DRC11: variants seen among roughly 807,000 people sequenced by gnomAD.
The protein encoded by DRC11 is dynein regulatory complex subunit 11, also known as IQ and AAA domain-containing protein 1.
the DRC11 span, among the ~76,000 whole-genome samples, chr2:236,312,456 C>T: frequency 6.6e-6 from 1 of 152,058 alleles, no homozygotes; most frequent in Non-Finnish European, 1.5e-5. Context: ...TGATATATGC[C>T]CCCCTAATTC....
At chr2:236,491,190 ATATATATATATATATATATATACACACAG>A in the DRC11 span, among the ~76,000 whole-genome samples, 198 of 33,760 alleles carry the variant, frequency 5.9e-3, 3 homozygotes, top group African/African-American at 0.022. Context: ...TACACACAGT[ATATATATATATATATATATATACACACAG>A]TATATATATA....
chr2:236,469,360 C>T, the DRC11 span, among the ~76,000 whole-genome samples: 1 of 152,188 alleles, frequency 6.6e-6, no homozygotes, highest in African/African-American at 2.4e-5. This position sits in a 1 kb window ranked among gnomAD's most constrained non-coding sequence, Gnocchi z 5.8. Context: ...AGTGCACCAC[C>T]ATGCCCAGCT....
At chr2:236,382,684 T>A in the DRC11 span, among the ~76,000 whole-genome samples, 1 of 152,174 alleles carries the variant, frequency 6.6e-6, no homozygotes, top group Non-Finnish European at 1.5e-5. Flanking sequence ...CATATGTATT[T>A]CATTTTTTGA....
the DRC11 span, among the ~76,000 whole-genome samples, chr2:236,317,152 C>T: frequency 6.6e-5 from 10 of 152,014 alleles, no homozygotes; most frequent in Admixed American, 4.6e-4. This position sits in a 1 kb window ranked among gnomAD's most constrained non-coding sequence, Gnocchi z 5.4. Context: ...AAAAATTAGC[C>T]GGGCATGGTG....
At chr2:236,490,952 A>G in the DRC11 span, among the ~76,000 whole-genome samples, 6 of 145,488 alleles carry the variant, frequency 4.1e-5, no homozygotes, top group African/African-American at 1.3e-4. This position sits in a 1 kb window ranked among gnomAD's most constrained non-coding sequence, Gnocchi z 5.5. Flanking sequence ...GTGTATATAT[A>G]TGTGTGTATA....
the DRC11 span, among the ~76,000 whole-genome samples, chr2:236,453,049 T>C: frequency 6.6e-6 from 1 of 152,334 alleles, no homozygotes; most frequent in South Asian, 2.1e-4. This position sits in a 1 kb window ranked among gnomAD's most constrained non-coding sequence, Gnocchi z 4.9. Flanking sequence ...TTAAAGGCAC[T>C]GTCATCCCTT....
At chr2:236,398,194 C>A in the DRC11 span, among the ~76,000 whole-genome samples, 1 of 152,184 alleles carries the variant, frequency 6.6e-6, no homozygotes, top group Non-Finnish European at 1.5e-5. The surrounding 1 kb of genome is among the most constrained non-coding windows in gnomAD (Gnocchi z 6.2). Flanking sequence ...GACCTCCTTT[C>A]TTCCCAGTGA....
chr2:236,317,724 G>C, the DRC11 span, among the ~76,000 whole-genome samples: 1 of 152,188 alleles, frequency 6.6e-6, no homozygotes, highest in Non-Finnish European at 1.5e-5. This position sits in a 1 kb window ranked among gnomAD's most constrained non-coding sequence, Gnocchi z 5.4. Context: ...TGACTAGAAA[G>C]ATTTATTTCA....
At chr2:236,358,638 T>C in the DRC11 span, among the ~76,000 whole-genome samples, 21,902 of 124,600 alleles carry the variant, frequency 0.18, 2,786 homozygotes, top group African/African-American at 0.3. Flanking sequence ...TTCTGATCTC[T>C]GCCCTGGAGT....
At chr2:236,354,857 G>A in the DRC11 span, among the ~76,000 whole-genome samples, 1 of 152,142 alleles carries the variant, frequency 6.6e-6, no homozygotes, top group East Asian at 1.9e-4. Flanking sequence ...AGGTGGAGTG[G>A]GACATGTATC....
chr2:236,347,488 G>T, the DRC11 span, among the ~76,000 whole-genome samples: 1 of 119,628 alleles, frequency 8.4e-6, no homozygotes, highest in Non-Finnish European at 1.9e-5. Flanking sequence ...GCCCATCAAC[G>T]AGTGGATAAA....
At chr2:236,385,096 A>G in the DRC11 span, among the ~76,000 whole-genome samples, 1 of 151,918 alleles carries the variant, frequency 6.6e-6, no homozygotes, top group African/African-American at 2.4e-5. Flanking sequence ...AGGTAGTGTG[A>G]TGCCTCCAGC....
the DRC11 span, among the ~76,000 whole-genome samples, chr2:236,435,065 T>C: frequency 2.0e-5 from 3 of 152,124 alleles, no homozygotes; most frequent in African/African-American, 7.2e-5. Context: ...TGGTTTCTGA[T>C]GGAGAAGTGA....
the DRC11 span, among the ~76,000 whole-genome samples, chr2:236,335,174 G>C: frequency 1.6e-4 from 24 of 152,192 alleles, no homozygotes; most frequent in African/African-American, 5.5e-4. This position sits in a 1 kb window ranked among gnomAD's most constrained non-coding sequence, Gnocchi z 5.6. Flanking sequence ...TGCGGGTGGA[G>C]AGACAACTAA....
the DRC11 span, among the ~76,000 whole-genome samples, chr2:236,344,342 CCACACTTTCTTT>C: frequency 6.6e-6 from 1 of 152,342 alleles, no homozygotes; most frequent in South Asian, 2.1e-4. Flanking sequence ...CCCCTTTCTT[CCACACTTTCTTT>C]CCTTCTAAAC....
the DRC11 span, among the ~76,000 whole-genome samples, chr2:236,441,684 G>A: frequency 2.0e-5 from 3 of 152,246 alleles, no homozygotes; most frequent in Non-Finnish European, 4.4e-5. Context: ...GGGGTAGACA[G>A]ATAGTATTCT....
chr2:236,392,062 A>G, the DRC11 span: 580 of 1,613,642 alleles, frequency 3.6e-4, no homozygotes, highest in Non-Finnish European at 4.8e-4. This position sits in a 1 kb window ranked among gnomAD's most constrained non-coding sequence, Gnocchi z 5.1. Flanking sequence ...TGTCTCATCA[A>G]CTCATCAACC....
At chr2:236,363,090 G>T in the DRC11 span, among the ~76,000 whole-genome samples, 1 of 152,220 alleles carries the variant, frequency 6.6e-6, no homozygotes, top group African/African-American at 2.4e-5. The surrounding 1 kb of genome is among the most constrained non-coding windows in gnomAD (Gnocchi z 5.6). Flanking sequence ...CTTTGATACA[G>T]TAAAAGCTGG....
the DRC11 span, among the ~76,000 whole-genome samples, chr2:236,476,064 T>C: frequency 1.2e-4 from 18 of 152,336 alleles, no homozygotes; most frequent in East Asian, 3.1e-3. The surrounding 1 kb of genome is among the most constrained non-coding windows in gnomAD (Gnocchi z 4.7). Context: ...TCAGTGTCTC[T>C]TGTGGTTCTA....
Sources: allele counts gnomAD v4.1 joint callset (sites outside exome capture counted in the v4.1 genomes callset), GRCh38; gene constraint gnomAD v4.1.1; non-coding constraint Gnocchi (gnomAD v3.1); transcripts MANE v1.5; gene names NCBI Gene and HGNC (gene_info 2026-07-23, HGNC 2026-07-21).